PCDHA13: variants seen among roughly 807,000 people sequenced by gnomAD.
PCDHA13 encodes the protein protocadherin alpha 13, also known as protocadherin alpha-13.
Under a neutral mutation model 64.8 loss-of-function variants are expected in PCDHA13, and 54 were observed. The ratio of observed to expected loss-of-function variants is 0.83; its 90% CI spans 0.67 to 1.04. The LOEUF is 1.04. PCDHA13 is among the 50% of genes least tolerant of loss of function. The pLI is 0.00. For synonymous variants in PCDHA13, 587 were observed against 564.4 expected (o/e 1.04, Z -0.57); for missense variants, 1,248 against 1,254.3 (o/e 0.99, Z 0.08).
chr5:140,998,594 T>A (rs1396456161), intron 3 of PCDHA13, among the ~76,000 whole-genome samples: 4 of 152,076 alleles, frequency 2.6e-5, no homozygotes, highest in Non-Finnish European at 5.9e-5. Context: ...GACAGAGTTT[T>A]GCTCTTGTTG....
chr5:140,944,317 A>G (rs2093641596), intron 1 of PCDHA13, among the ~76,000 whole-genome samples: 2 of 152,090 alleles, frequency 1.3e-5, no homozygotes. Flanking sequence ...CCTCCTGAGT[A>G]GCTGGGATTA....
chr5:140,903,049 A>G (rs2069961526), intron 1 of PCDHA13, among the ~76,000 whole-genome samples: 1 of 152,080 alleles, frequency 6.6e-6, no homozygotes, highest in Non-Finnish European at 1.5e-5. Flanking sequence ...TTTTCATGTA[A>G]TGACTTCTTT....
At chr5:141,005,113 G>A (rs2098197843) in intron 3 of PCDHA13, among the ~76,000 whole-genome samples, 1 of 152,184 alleles carries the variant, frequency 6.6e-6, no homozygotes, top group South Asian at 2.1e-4. Flanking sequence ...ATTGTCTTTA[G>A]GGACCCCAAA....
intron 1 of PCDHA13, among the ~76,000 whole-genome samples, chr5:140,911,641 C>A (rs1403591383): frequency 6.6e-6 from 1 of 152,174 alleles, no homozygotes; most frequent in East Asian, 1.9e-4. Flanking sequence ...AAAGGTATTA[C>A]ATATAGAGTT....
intron 1 of PCDHA13, chr5:140,969,353 C>T (rs781980010): frequency 3.7e-6 from 6 of 1,612,562 alleles, no homozygotes; most frequent in Non-Finnish European, 4.2e-6. Context: ...GTCAGGGGGT[C>T]TTCTACAAAC....
At chr5:140,982,409 G>A (rs1554244106) in intron 2 of PCDHA13, 66 bp from the exon 3 acceptor site, 20 of 1,608,038 alleles carry the variant, frequency 1.2e-5, no homozygotes, top group Non-Finnish European at 1.6e-5. Flanking sequence ...CAATTTCTGA[G>A]GGTGGAAGAA....
intron 1 of PCDHA13, among the ~76,000 whole-genome samples, chr5:140,917,523 G>A (rs1201312809): frequency 2.0e-5 from 3 of 152,182 alleles, no homozygotes; most frequent in Non-Finnish European, 4.4e-5. Context: ...TTATTCTACG[G>A]TTTGTATAGT....
At chr5:140,908,429 G>A (rs575934093) in intron 1 of PCDHA13, among the ~76,000 whole-genome samples, 1 of 152,280 alleles carries the variant, frequency 6.6e-6, no homozygotes, top group African/African-American at 2.4e-5. Flanking sequence ...ATGCTGCTGT[G>A]CGCACCCCAC....
intron 3 of PCDHA13, among the ~76,000 whole-genome samples, chr5:141,006,206 AT>A (rs1178693799): frequency 1.4e-5 from 2 of 147,854 alleles, no homozygotes. Flanking sequence ...GTTATGCCTC[AT>A]TTTTTTTTAA....
intron 1 of PCDHA13, among the ~76,000 whole-genome samples, chr5:140,951,339 G>A (rs246043): frequency 0.56 from 85,609 of 151,878 alleles, 24,748 homozygotes; most frequent in African/African-American, 0.69. Context: ...TTCTGTTTGT[G>A]TTAGTCCATT....
intron 1 of PCDHA13, among the ~76,000 whole-genome samples, chr5:140,952,230 A>C (rs1177331328): frequency 6.6e-6 from 1 of 151,960 alleles, no homozygotes; most frequent in African/African-American, 2.4e-5. Flanking sequence ...ACAGTGTGCA[A>C]GCTGCTTAGA....
At chr5:140,935,996 G>C (rs145363850) in intron 1 of PCDHA13, among the ~76,000 whole-genome samples, 1,644 of 150,942 alleles carry the variant, frequency 0.011, 22 homozygotes, top group African/African-American at 0.037. Flanking sequence ...GGGTTCAAGC[G>C]ATTCTCCCAC....
intron 3 of PCDHA13, among the ~76,000 whole-genome samples, chr5:141,003,468 C>T (rs2098126270): frequency 6.6e-6 from 1 of 152,066 alleles, no homozygotes; most frequent in Non-Finnish European, 1.5e-5. Context: ...TGCACCACCA[C>T]AGTCTCGCTA....
At chr5:140,915,446 GT>G (rs2077122918) in intron 1 of PCDHA13, among the ~76,000 whole-genome samples, 1 of 152,184 alleles carries the variant, frequency 6.6e-6, no homozygotes, top group African/African-American at 2.4e-5. Flanking sequence ...TCTTGAGAAG[GT>G]TTTCCAGAAG....
At chr5:140,991,563 C>T (rs577838155) in intron 3 of PCDHA13, among the ~76,000 whole-genome samples, 4 of 152,288 alleles carry the variant, frequency 2.6e-5, no homozygotes, top group South Asian at 4.1e-4. Context: ...CCTTTAGTTT[C>T]CAATAACAGG....
chr5:140,920,854 A>C (rs1369314704), intron 1 of PCDHA13, among the ~76,000 whole-genome samples: 1 of 152,006 alleles, frequency 6.6e-6, no homozygotes, highest in East Asian at 1.9e-4. Context: ...AAAAAAAAAA[A>C]AAAACAAACA....
At chr5:140,968,810 G>C in intron 1 of PCDHA13, 1 of 1,614,186 alleles carries the variant, frequency 6.2e-7, no homozygotes, top group Non-Finnish European at 8.5e-7. Flanking sequence ...AGCTGTGGTG[G>C]ATAGGGTTTC....
chr5:140,882,688 A>G lies in PCDHA13; in HGVS notation c.420A>G (p.Ile140Met). ...TATTCCCTGAAAGCAAGAAACGAATAATCATTGCAGAATCTAGACCTCCGG... is the reference window on the plus strand; with the variant it reads ...TATTCCCTGAAAGCAAGAAACGAATGATCATTGCAGAATCTAGACCTCCGG... The part of the protein sequence containing the change: ...PPIFPESKKR[I>M]IIAESRPPET... The change falls in exon 1 of 4, where the codon ATA becomes ATG. Residue 140 changes from isoleucine to methionine, a missense_variant. Ile to Met is a conservative substitution (Grantham distance 10, BLOSUM62 1). Transcript: ENST00000289272. 2 of 1,614,196 alleles carry G rather than the reference A, an allele frequency of 1.2e-6. No homozygotes were observed. Among genetic ancestry groups the G allele is most frequent in the Non-Finnish European group, 8.5e-7 (1 of 1,180,042 alleles).
chr5:140,925,822 T>C (rs1554202964), intron 1 of PCDHA13, among the ~76,000 whole-genome samples: 1 of 152,156 alleles, frequency 6.6e-6, no homozygotes, highest in African/African-American at 2.4e-5. Flanking sequence ...ACGTCTTCTT[T>C]GGGGACGGGT....
Sources: allele counts gnomAD v4.1 joint callset (sites outside exome capture counted in the v4.1 genomes callset), GRCh38; gene constraint gnomAD v4.1.1; transcripts MANE v1.5; gene names NCBI Gene and HGNC (gene_info 2026-07-23, HGNC 2026-07-21).